NLRP8: variants seen among roughly 807,000 people sequenced by gnomAD.
The protein encoded by NLRP8 is NLR family pyrin domain containing 8, also known as NACHT, LRR and PYD domains-containing protein 8.
In NLRP8, 86 loss-of-function variants were observed where a neutral mutation model predicts 88.7. That is an observed-to-expected ratio of 0.97 (90% CI 0.81 to 1.16). NLRP8 has a LOEUF of 1.16. Among genes scored for constraint, NLRP8 ranks in the 50% most tolerant of loss-of-function variants. The probability of loss-of-function intolerance (pLI) is 0.00; values close to 1 mark genes in which losing one functional copy is unlikely to be tolerated. For synonymous variants in NLRP8, 504 were observed against 494.6 expected (o/e 1.02, Z -0.25); for missense variants, 1,342 against 1,286.5 (o/e 1.04, Z -0.66).
intron 9 of NLRP8, among the ~76,000 whole-genome samples, chr19:55,987,497 C>T (rs1035114799): frequency 4.6e-5 from 7 of 152,124 alleles, no homozygotes; most frequent in African/African-American, 1.2e-4. Context: ...TATGGTTAAC[C>T]GTAACTTAGT....
rs1979139163 is a variant in NLRP8, at chr19:55,952,515, C to A, written c.368-23C>A. On this transcript the variant is annotated intron_variant, in intron 1 of 9. Transcript: ENST00000291971. ...CCAAGATCTTATCATTCCCGTGGAA[C>A]AGCCTCCTTTTTTCTGTTACAGCCA... The A allele has an allele frequency of 1.9e-6, 3 of 1,601,920 alleles. No individual in the cohort carries two copies. The East Asian group carries it at 6.7e-5, about 36-fold the overall frequency.
At chr19:55,956,236 C>T (rs1979351958) in intron 3 of NLRP8, 136 bp downstream of exon 3, 6 of 913,252 alleles carry the variant, frequency 6.6e-6, no homozygotes, top group South Asian at 3.8e-5. Flanking sequence ...ACTTCTGTTG[C>T]TTTGTTTTGT....
At chr19:55,960,616 T>C (rs918489958) in intron 3 of NLRP8, among the ~76,000 whole-genome samples, 4 of 152,220 alleles carry the variant, frequency 2.6e-5, no homozygotes, top group Non-Finnish European at 4.4e-5. Flanking sequence ...CATTGATCAC[T>C]TTTGTATGGG....
Position 55,987,899 on chromosome 19 carries a change from C to T in NLRP8, c.3133C>T (p.Gln1045Ter), listed in dbSNP as rs780260191. ...CACGGGAAAAAGTGACTGCCTATCC[C>T]AGATTAATCCTTAGGCCGTCCAGTC... The change falls in exon 10 of 10, where the codon CAG becomes TAG. Residue 1045 changes from glutamine (Q) to a stop codon, truncating the protein, a stop_gained. Transcript: ENST00000291971. LOFTEE classifies it high-confidence loss of function. The T allele has an allele frequency of 6.2e-7, 1 of 1,613,062 alleles. No homozygotes were observed. Among genetic ancestry groups the T allele is most frequent in the Middle Eastern group, 1.7e-4 (1 of 6,056 alleles).
intron 5 of NLRP8, among the ~76,000 whole-genome samples, chr19:55,969,203 C>A (rs1326946456): frequency 6.6e-6 from 1 of 152,180 alleles, no homozygotes; most frequent in African/African-American, 2.4e-5. Context: ...GTGCACTTGT[C>A]ACCCAAGCAG....
intron 7 of NLRP8, among the ~76,000 whole-genome samples, chr19:55,974,074 G>C (rs1052726692): frequency 1.3e-5 from 2 of 151,808 alleles, no homozygotes; most frequent in Non-Finnish European, 2.9e-5. Flanking sequence ...AGGACTGCAG[G>C]GTATTTTAAA....
At position 55,966,353 on chromosome 19, in the gene NLRP8, C is replaced by A. The variant is rs374786327; in HGVS notation, c.2354C>A (p.Ser785Tyr). The A allele has an allele frequency of 2.3e-5, 37 of 1,609,666 alleles. No homozygotes were observed. Among genetic ancestry groups the A allele is most frequent in the Non-Finnish European group, 3.1e-5 (36 of 1,176,760 alleles). The change falls in exon 5 of 10, where the codon TCC (serine) becomes TAC (tyrosine). Residue 785 changes from serine to tyrosine, a missense_variant. Coordinates refer to ENST00000291971, the MANE Select transcript of NLRP8 (RefSeq NM_176811.2). ...AAGCTTCTATGCAGGGTGCTGAGAT[C>A]CCCCCGGTGCCGTCTGCAGTGTCTC...
chr19:55,954,416 C>T lies in NLRP8; in HGVS notation c.443-85C>T, dbSNP rs564690874. Reference sequence around the variant, plus strand: ...GCATCACGGGGCTTCACGTAGACATCGAGACTGGTTTTCTTATTGCTCTAT... The same window carrying T: ...GCATCACGGGGCTTCACGTAGACATTGAGACTGGTTTTCTTATTGCTCTAT... On this transcript the variant is annotated intron_variant, in intron 2 of 9. Coordinates refer to ENST00000291971, the MANE Select transcript of NLRP8 (RefSeq NM_176811.2). 3.2e-5 allele frequency: 44 copies of T among 1,362,768 alleles called. No individual in the cohort carries two copies. In the East Asian group the frequency reaches 7.6e-4, roughly 24 times the overall value. The allele number at this position is 1,362,768 out of a possible 1,614,324, so 84.4% of individuals were successfully genotyped here.
intron 4 of NLRP8, among the ~76,000 whole-genome samples, chr19:55,963,881 C>T (rs981065218): frequency 6.6e-6 from 1 of 152,006 alleles, no homozygotes; most frequent in Admixed American, 6.6e-5. Context: ...TAAGAGTGAG[C>T]GTGTATGCGT....
rs1980186024 is a variant in NLRP8 at position 55,973,771 on chromosome 19, AG to A, written c.2655del (p.Lys885AsnfsTer10). On this transcript the variant is annotated frameshift_variant, in exon 7 of 10. Transcript: ENST00000291971. LOFTEE classifies it high-confidence loss of function. ...AACGCCTTGAAAGATGAAGGGGCCAAGCATATTTGGAATGCCCTGCCACACC... is the reference window on the plus strand; with the variant it reads ...AACGCCTTGAAAGATGAAGGGGCCAACATATTTGGAATGCCCTGCCACACC... The A allele has an allele frequency of 1.2e-5, 19 of 1,614,090 alleles. No individual in the cohort carries two copies. Among genetic ancestry groups the A allele is most frequent in the Non-Finnish European group, 1.6e-5 (19 of 1,179,972 alleles).
intron 4 of NLRP8, among the ~76,000 whole-genome samples, chr19:55,963,769 G>A (rs550934586): frequency 4.7e-4 from 71 of 152,060 alleles, no homozygotes; most frequent in African/African-American, 1.7e-3. Context: ...TGCCCAGGCT[G>A]GCTTTGAACT....
chr19:55,973,614 C>T (rs904114824), intron 6 of NLRP8, 38 bp from the exon 7 acceptor site: 1 of 1,541,196 alleles, frequency 6.5e-7, no homozygotes, highest in Non-Finnish European at 8.8e-7. Flanking sequence ...GACAAAGACC[C>T]CTCTCCATTC....
intron 3 of NLRP8, among the ~76,000 whole-genome samples, chr19:55,957,704 TATATATATATATATATATATAA>T (rs1568460988): frequency 0.075 from 3,244 of 43,048 alleles, 110 homozygotes; most frequent in South Asian, 0.16. Context: ...TATATATATA[TATATATATATATATATATATAA>T]AATAAGGTTG....
intron 1 of NLRP8, among the ~76,000 whole-genome samples, chr19:55,948,591 ATGCC>A (rs1470921507): frequency 6.6e-6 from 1 of 152,064 alleles, no homozygotes; most frequent in Non-Finnish European, 1.5e-5. Context: ...ACCCACCACC[ATGCC>A]TGGGTAATTT....
chr19:55,962,194 G>A lies in NLRP8; in HGVS notation c.2170G>A (p.Ala724Thr), dbSNP rs199475840. 1.5e-4 allele frequency: 244 copies of A among 1,614,100 alleles called. No individual in the cohort carries two copies. In the East Asian group the frequency reaches 4.9e-3, roughly 33 times the overall value. The change falls in exon 4 of 10, where the codon GCG (alanine) becomes ACG (threonine). Residue 724 changes from alanine (A) to threonine (T), a missense_variant. Coordinates refer to ENST00000291971, the MANE Select transcript of NLRP8 (RefSeq NM_176811.2). ...GGGGCCTCCTTTTTTGAAGGCTCTC[G>A]CGGCCGCACTGAGGCACCCTCAGTG...
At position 55,954,280 on chromosome 19, in the gene NLRP8, G is replaced by A. The variant is rs934832962; in HGVS notation, c.443-221G>A. On this transcript the variant is annotated intron_variant, in intron 2 of 9. Transcript: ENST00000291971. ...GCTTTACGCCCGCCATACTTCTCACGTAGAAAGCAGTCCTTGTTTTGTTTA... is the reference window on the plus strand; with the variant it reads ...GCTTTACGCCCGCCATACTTCTCACATAGAAAGCAGTCCTTGTTTTGTTTA... Among the ~76,000 whole-genome samples the A allele has an allele frequency of 5.3e-5, 8 of 152,146 alleles. No homozygotes were observed. The East Asian group carries it at 1.3e-3, about 26-fold the overall frequency.
chr19:55,977,525 TATA>T (rs954656418), intron 8 of NLRP8, among the ~76,000 whole-genome samples: 1 of 145,934 alleles, frequency 6.9e-6, no homozygotes, highest in African/African-American at 2.5e-5. Context: ...TATATTTATA[TATA>T]ATATTAAAAT....
At chr19:55,980,943 G>T (rs935849993) in intron 9 of NLRP8, among the ~76,000 whole-genome samples, 116 bp from the exon 10 acceptor site, 1 of 152,122 alleles carries the variant, frequency 6.6e-6, no homozygotes, top group Non-Finnish European at 1.5e-5. Flanking sequence ...ACTGCATGGG[G>T]CCATGGTGGT....
Position 55,954,906 on chromosome 19 carries a change from T to C in NLRP8, c.848T>C (p.Leu283Pro). The C allele has an allele frequency of 1.2e-6, 2 of 1,614,192 alleles. No homozygotes were observed. Among genetic ancestry groups the C allele is most frequent in the Non-Finnish European group, 1.7e-6 (2 of 1,180,020 alleles). Reference sequence around the variant, plus strand: ...ATGTCCAAACCCGACCAACTTCTGCTGCTCTTGGATGGCTTTGAGGAGCTC... The same window carrying C: ...ATGTCCAAACCCGACCAACTTCTGCCGCTCTTGGATGGCTTTGAGGAGCTC... Residue 283 changes from leucine (L) to proline (P), a missense_variant, in exon 3 of 10, where the codon CTG (leucine) becomes CCG (proline). By Grantham distance (98) the Leu-to-Pro change is moderately conservative. Coordinates refer to ENST00000291971, the MANE Select transcript of NLRP8 (RefSeq NM_176811.2).
Sources: allele counts gnomAD v4.1 joint callset (sites outside exome capture counted in the v4.1 genomes callset), GRCh38; gene constraint gnomAD v4.1.1; transcripts MANE v1.5; gene names NCBI Gene and HGNC (gene_info 2026-07-23, HGNC 2026-07-21).